PARD3B: variants seen among roughly 807,000 people sequenced by gnomAD.
The protein encoded by PARD3B is partitioning defective 3 homolog B.
A neutral mutation model predicts 130.2 loss-of-function variants in PARD3B; 103 were observed. That is an observed-to-expected ratio of 0.79 (90% CI 0.67 to 0.93). PARD3B has a LOEUF of 0.93. PARD3B is among the 40% of genes least tolerant of loss of function. The pLI is 0.00. For synonymous variants in PARD3B, 583 were observed against 553.2 expected, an observed-to-expected ratio of 1.05 and a Z score of -0.76; for missense variants, 1,609 against 1,499.2, an observed-to-expected ratio of 1.07 and a Z score of -1.21.
rs2044314491 is a variant in PARD3B, at chr2:204,843,021, A to T, written c.223-122131A>T. ...AGAATCTCCTGGAGGGCTTATTCAA[A>T]CATGCGTGTCTGGGCCCTCCTGGCA... On this transcript the variant is annotated intron_variant, in intron 2 of 22. Coordinates refer to ENST00000406610, the MANE Select transcript of PARD3B (RefSeq NM_001302769.2). Among the ~76,000 whole-genome samples the T allele has an allele frequency of 5.9e-5, 9 of 152,240 alleles. No individual in the cohort carries two copies. The South Asian group carries it at 1.9e-3, about 32-fold the overall frequency.
intron 18 of PARD3B, among the ~76,000 whole-genome samples, chr2:205,394,118 GGAATGAATGGAT>G (rs1343612692): frequency 2.6e-5 from 4 of 152,046 alleles, no homozygotes; most frequent in Non-Finnish European, 5.9e-5. Flanking sequence ...TGCTCAGTAA[GGAATGAATGGAT>G]GAATGAATGA....
chr2:205,461,362 T>C lies in PARD3B; in HGVS notation c.3044+20690T>C, dbSNP rs2048447239. ...CTCTTACCAACACCAAGCAAGAGGA[T>C]AAAGAGCAGAGGCTTAGTAAATGGA... On this transcript the variant is annotated intron_variant, in intron 20 of 22. Coordinates refer to ENST00000406610, the MANE Select transcript of PARD3B (RefSeq NM_001302769.2). The surrounding 1 kb of genome is among the most constrained non-coding windows in gnomAD (Gnocchi z 4.3). 6.6e-6 allele frequency among the ~76,000 whole-genome samples: 1 copy of C among 152,142 alleles called. No individual in the cohort carries two copies. Among genetic ancestry groups the C allele is most frequent in the East Asian group, 1.9e-4 (1 of 5,188 alleles).
At chr2:204,612,557 C>G (rs1305981123) in intron 1 of PARD3B, among the ~76,000 whole-genome samples, 1 of 152,120 alleles carries the variant, frequency 6.6e-6, no homozygotes, top group African/African-American at 2.4e-5. Context: ...TTTACAACTT[C>G]CAATTTTCTT....
intron 15 of PARD3B, among the ~76,000 whole-genome samples, chr2:205,243,307 G>A (rs1222070916): frequency 6.6e-6 from 1 of 152,086 alleles, no homozygotes; most frequent in Non-Finnish European, 1.5e-5. Context: ...TATTTATTAA[G>A]TACTTATTCT....
intron 21 of PARD3B, among the ~76,000 whole-genome samples, chr2:205,535,769 AG>A (rs1239731866): frequency 1.3e-5 from 2 of 152,182 alleles, no homozygotes; most frequent in African/African-American, 4.8e-5. Flanking sequence ...GCAATTCCTC[AG>A]GCAATAGCCA....
At chr2:205,381,005 A>AAT (rs1559035285) in intron 18 of PARD3B, among the ~76,000 whole-genome samples, 832 of 52,944 alleles carry the variant, frequency 0.016, 194 homozygotes, top group African/African-American at 0.02. Context: ...GAATATATAT[A>AAT]ATATAAAGAA....
intron 1 of PARD3B, among the ~76,000 whole-genome samples, chr2:204,617,912 A>G (rs116263244): frequency 0.019 from 2,875 of 152,286 alleles, 83 homozygotes; most frequent in African/African-American, 0.066. Context: ...TCTGTGATGT[A>G]TATGTACCAC....
At chr2:205,194,662 C>G in intron 15 of PARD3B, among the ~76,000 whole-genome samples, 1 of 151,780 alleles carries the variant, frequency 6.6e-6, no homozygotes, top group East Asian at 1.9e-4. Flanking sequence ...TATTATGTTT[C>G]TAAAAAGAAA....
At chr2:204,692,704 G>A (rs1185448887) in intron 2 of PARD3B, among the ~76,000 whole-genome samples, 3 of 152,002 alleles carry the variant, frequency 2.0e-5, no homozygotes, top group East Asian at 1.9e-4. Context: ...AAAGCACATA[G>A]AAGAAGTTTG....
chr2:205,369,021 T>G (rs1255806965), intron 18 of PARD3B, among the ~76,000 whole-genome samples: 2 of 152,174 alleles, frequency 1.3e-5, no homozygotes, highest in Non-Finnish European at 2.9e-5. Flanking sequence ...TAAGTTCCTG[T>G]GTTGTTAAGT....
intron 1 of PARD3B, among the ~76,000 whole-genome samples, chr2:204,615,675 G>A (rs899824221): frequency 9.9e-5 from 15 of 152,200 alleles, no homozygotes; most frequent in African/African-American, 3.1e-4. Context: ...TTTAGACAGC[G>A]TCTGCCAAAT....
At chr2:204,658,907 C>G (rs1180865598) in intron 1 of PARD3B, among the ~76,000 whole-genome samples, 2 of 152,166 alleles carry the variant, frequency 1.3e-5, no homozygotes, top group African/African-American at 4.8e-5. Context: ...TCCCCATCAT[C>G]GTTGCAGACA....
At chr2:205,401,248 A>G (rs1296482769) in intron 19 of PARD3B, 125 bp downstream of exon 19, 2 of 689,926 alleles carry the variant, frequency 2.9e-6, no homozygotes, top group Non-Finnish European at 4.7e-6. Flanking sequence ...ATCTGAAAGG[A>G]AAGGTGTCTG....
chr2:205,114,959 A>C (rs959083060), intron 6 of PARD3B, among the ~76,000 whole-genome samples: 3 of 152,154 alleles, frequency 2.0e-5, no homozygotes, highest in Non-Finnish European at 4.4e-5. Flanking sequence ...CTCAGTTGTC[A>C]TGAGAAATTC....
intron 4 of PARD3B, among the ~76,000 whole-genome samples, chr2:205,085,686 T>G (rs1434634469): frequency 6.6e-6 from 1 of 152,060 alleles, no homozygotes; most frequent in Non-Finnish European, 1.5e-5. Flanking sequence ...TATCTTAAAG[T>G]TAGCATTATT....
chr2:204,903,324 A>G (rs1162162385), intron 2 of PARD3B, among the ~76,000 whole-genome samples: 2 of 152,172 alleles, frequency 1.3e-5, no homozygotes, highest in Non-Finnish European at 2.9e-5. Context: ...AACATTTGAC[A>G]TTTCAGCAGC....
In PARD3B at chr2:205,011,794, G is replaced by A. The variant is rs1469466204; in HGVS notation, c.395-35787G>A. Among the ~76,000 whole-genome samples, 1 of 151,690 alleles carries A rather than the reference G, an allele frequency of 6.6e-6. No individual in the cohort carries two copies. Among genetic ancestry groups the A allele is most frequent in the Admixed American group, 6.6e-5 (1 of 15,230 alleles). ...TATTTGACTCTTCCTTAGTTTTCTGGGTTTTTTTTTTTTACAACCATGCAT... is the reference window on the plus strand; with the variant it reads ...TATTTGACTCTTCCTTAGTTTTCTGAGTTTTTTTTTTTTACAACCATGCAT... On this transcript the variant is annotated intron_variant, in intron 3 of 22. Transcript: ENST00000406610. The surrounding 1 kb of genome is among the most constrained non-coding windows in gnomAD (Gnocchi z 4.1).
chr2:204,595,059 G>T (rs543487190), intron 1 of PARD3B, among the ~76,000 whole-genome samples: 1 of 152,140 alleles, frequency 6.6e-6, no homozygotes, highest in Non-Finnish European at 1.5e-5. Context: ...GTGTGATGTT[G>T]TTTTGTAGGG....
Position 204,616,179 on chromosome 2 carries a change from G to A in PARD3B, c.121-70002G>A, listed in dbSNP as rs1043757324. Among the ~76,000 whole-genome samples, 95 of 152,292 alleles carry A rather than the reference G, an allele frequency of 6.2e-4. 2 individuals carry two copies. The highest frequency in any genetic ancestry group is 1.9e-4 in the Non-Finnish European group (13 of 68,026). ...GTGAAACACACGGTGGAGAGAATGA[G>A]ATGATAAGCCAAAGACTGGAAGAAC... On this transcript the variant is annotated intron_variant, in intron 1 of 22. Coordinates refer to ENST00000406610, the MANE Select transcript of PARD3B (RefSeq NM_001302769.2).
Sources: allele counts gnomAD v4.1 joint callset (sites outside exome capture counted in the v4.1 genomes callset), GRCh38; gene constraint gnomAD v4.1.1; non-coding constraint Gnocchi (gnomAD v3.1); transcripts MANE v1.5; gene names NCBI Gene and HGNC (gene_info 2026-07-23, HGNC 2026-07-21).